HNF4G: variants seen among roughly 807,000 people sequenced by gnomAD.
The protein encoded by HNF4G is hepatocyte nuclear factor 4 gamma.
In HNF4G, 21 loss-of-function variants were observed where a neutral mutation model predicts 50.9. The ratio of observed to expected loss-of-function variants is 0.41; its 90% CI spans 0.29 to 0.59. The LOEUF is 0.59. HNF4G is among the 20% of genes least tolerant of loss of function. The probability of loss-of-function intolerance (pLI) is 0.26; values close to 1 mark genes in which losing one functional copy is unlikely to be tolerated. For synonymous variants in HNF4G, 198 were observed against 185.6 expected (o/e 1.07, Z -0.54); for missense variants, 527 against 559.4 (o/e 0.94, Z 0.58).
At position 75,449,575 on chromosome 8, in the gene HNF4G, C is replaced by T. The variant is rs560716343; in HGVS notation, c.-143-40514C>T. ...AGGCTGTAGTGCAGTGGGGCGATCT[C>T]GGCTCACTGCAAGCTCCGCCTCCAG... On this transcript the variant is annotated intron_variant, in intron 1 of 10. Transcript: ENST00000354370. 3.4e-4 allele frequency among the ~76,000 whole-genome samples: 50 copies of T among 147,070 alleles called. No individual in the cohort carries two copies. The South Asian group carries it at 6.0e-3, about 18-fold the overall frequency.
At chr8:75,477,334 C>T (rs760960530) in intron 1 of HNF4G, among the ~76,000 whole-genome samples, 15 of 152,070 alleles carry the variant, frequency 9.9e-5, no homozygotes, top group Non-Finnish European at 2.2e-4. Flanking sequence ...ATTAGAATCA[C>T]ACTATGGGGA....
At chr8:75,410,925 C>A (rs1273125414) in intron 1 of HNF4G, among the ~76,000 whole-genome samples, 3 of 152,164 alleles carry the variant, frequency 2.0e-5, no homozygotes, top group Admixed American at 6.5e-5. Context: ...AATACGCACG[C>A]ACACACACAT....
At position 75,516,098 on chromosome 8, in the gene HNF4G, G is replaced by C. The variant is rs577674861; in HGVS notation, c.-24+25890G>C. Among the ~76,000 whole-genome samples the C allele has an allele frequency of 6.6e-5, 10 of 152,284 alleles. No homozygotes were observed. In the South Asian group the frequency reaches 1.9e-3, roughly 28 times the overall value. ...CCATCTTTTACTAAGCAATTCAAAT[G>C]TTACTCTAATCTGGAAACACCCTCA... is the stretch of plus-strand genomic sequence containing the variant. On this transcript the variant is annotated intron_variant, in intron 2 of 10. Coordinates refer to the HNF4G transcript ENST00000354370.
At chr8:75,428,598 A>C (rs1810938591) in intron 1 of HNF4G, among the ~76,000 whole-genome samples, 1 of 152,216 alleles carries the variant, frequency 6.6e-6, no homozygotes, top group South Asian at 2.1e-4. Flanking sequence ...GCTGATATCT[A>C]AATGATGAGT....
intron 1 of HNF4G, among the ~76,000 whole-genome samples, chr8:75,488,584 G>A (rs761579036): frequency 2.0e-5 from 3 of 152,036 alleles, no homozygotes; most frequent in Non-Finnish European, 4.4e-5. Context: ...GGCCTCATTG[G>A]ACGTTTTGGA....
chr8:75,461,058 C>T (rs775864668), intron 1 of HNF4G, among the ~76,000 whole-genome samples: 1 of 152,166 alleles, frequency 6.6e-6, no homozygotes, highest in Non-Finnish European at 1.5e-5. Flanking sequence ...GGTTAAGAAT[C>T]TTGCCCAAAA....
intron 1 of HNF4G, among the ~76,000 whole-genome samples, chr8:75,454,292 T>G (rs1811666354): frequency 1.3e-5 from 2 of 152,154 alleles, no homozygotes; most frequent in Admixed American, 1.3e-4. Flanking sequence ...GTTTAAACCA[T>G]CCAGTCTATA....
rs1251271100 is a variant in HNF4G, at chr8:75,461,794, A to T, written c.-143-28295A>T. On this transcript the variant is annotated intron_variant, in intron 1 of 10. Coordinates refer to the HNF4G transcript ENST00000354370. ...ATTTATAAATTAGGCATAGTAAAAG[A>T]TTAACAACAATTGCTAATAATAAAA... Among the ~76,000 whole-genome samples the T allele has an allele frequency of 2.6e-5, 4 of 151,640 alleles. No homozygotes were observed. The East Asian group carries it at 7.7e-4, about 29-fold the overall frequency.
chr8:75,492,668 G>C (rs1227750717), intron 2 of HNF4G, among the ~76,000 whole-genome samples: 1 of 152,120 alleles, frequency 6.6e-6, no homozygotes, highest in African/African-American at 2.4e-5. Context: ...CCAAAGCCTA[G>C]AGGGGGTTAC....
At chr8:75,413,871 A>C (rs10108565) in intron 1 of HNF4G, among the ~76,000 whole-genome samples, 26 of 151,890 alleles carry the variant, frequency 1.7e-4, no homozygotes, top group African/African-American at 6.3e-4. Context: ...ATTTAAAAAA[A>C]AATAAAAAAA....
At chr8:75,451,616 G>A (rs1811586353) in intron 1 of HNF4G, among the ~76,000 whole-genome samples, 1 of 152,024 alleles carries the variant, frequency 6.6e-6, no homozygotes, top group South Asian at 2.1e-4. Flanking sequence ...TTCCCATTTT[G>A]TGTTCTTGGC....
chr8:75,422,059 C>T (rs72658085), intron 1 of HNF4G, among the ~76,000 whole-genome samples: 17,879 of 151,734 alleles, frequency 0.12, 1,148 homozygotes, highest in Middle Eastern at 0.17. Flanking sequence ...AAGATAACAA[C>T]AAAATAAATT....
chr8:75,425,284 G>A (rs1404924079), intron 1 of HNF4G, among the ~76,000 whole-genome samples: 3 of 151,332 alleles, frequency 2.0e-5, no homozygotes, highest in African/African-American at 4.9e-5. Flanking sequence ...GGGTTTCACC[G>A]TTTGAGCGAA....
At chr8:75,529,009 G>A (rs962049416) in intron 2 of HNF4G, among the ~76,000 whole-genome samples, 6 of 151,998 alleles carry the variant, frequency 3.9e-5, no homozygotes, top group African/African-American at 7.2e-5. Flanking sequence ...GATCTCTGCC[G>A]GGCGCGGTGG....
chr8:75,531,678 AAAT>A (rs1806328402), intron 2 of HNF4G, among the ~76,000 whole-genome samples: 3 of 152,116 alleles, frequency 2.0e-5, no homozygotes, highest in Admixed American at 1.3e-4. Context: ...AATAAATGAA[AAAT>A]AATAAAATAA....
intron 2 of HNF4G, among the ~76,000 whole-genome samples, chr8:75,534,442 C>G (rs1052283140): frequency 6.6e-6 from 1 of 151,766 alleles, no homozygotes; most frequent in African/African-American, 2.4e-5. Context: ...AGAGCATTTT[C>G]TTGGTTACAT....
upstream of HNF4G, chr8:75,407,875 A>ACAGCGCGG (rs1810399166): frequency 1.3e-5 from 2 of 151,936 alleles, no homozygotes; most frequent in South Asian, 4.1e-4. Context: ...GGACAGCGCG[A>ACAGCGCGG]CGGGGTGGGT....
intron 1 of HNF4G, among the ~76,000 whole-genome samples, chr8:75,462,410 G>A (rs533788940): frequency 6.6e-6 from 1 of 152,286 alleles, no homozygotes; most frequent in Non-Finnish European, 1.5e-5. Context: ...TGGCTGAATA[G>A]GGTGTACAGA....
chr8:75,456,634 AC>A (rs1811730843), intron 1 of HNF4G, among the ~76,000 whole-genome samples: 1 of 152,088 alleles, frequency 6.6e-6, no homozygotes, highest in South Asian at 2.1e-4. Flanking sequence ...CAGGTTGGTA[AC>A]CAAAATCTAT....
Sources: gnomAD v4.1 joint callset for allele counts (sites outside exome capture counted in the v4.1 genomes callset) on GRCh38, gnomAD v4.1.1 for gene constraint, MANE v1.5 for transcripts, NCBI Gene and HGNC (gene_info 2026-07-23, HGNC 2026-07-21) for gene names.